RBFOX1: variants seen among roughly 807,000 people sequenced by gnomAD.
The protein encoded by RBFOX1 is RNA binding fox-1 homolog 1.
In RBFOX1, 8 loss-of-function variants were observed where a neutral mutation model predicts 57.7. The ratio of observed to expected loss-of-function variants is 0.14; its 90% confidence interval spans 0.08 to 0.25. The LOEUF (loss-of-function observed/expected upper bound fraction) is 0.25, where lower values mean the gene tolerates loss of function less well. RBFOX1 is among the 10% of genes least tolerant of loss of function. The probability of loss-of-function intolerance (pLI) is 1.00; values close to 1 mark genes in which losing one functional copy is unlikely to be tolerated. For synonymous variants in RBFOX1, 326 were observed against 222.4 expected (o/e 1.47, Z -4.15); for missense variants, 611 against 548.5 (o/e 1.11, Z -1.14).
chr16:6,442,266 A>C (rs1195323111), intron 2 of RBFOX1, among the ~76,000 whole-genome samples: 1 of 152,160 alleles, frequency 6.6e-6, no homozygotes, highest in Non-Finnish European at 1.5e-5. Flanking sequence ...GGTTAGAAAT[A>C]AACACTGTTG....
At chr16:6,980,174 A>G (rs1284464767) in intron 3 of RBFOX1, among the ~76,000 whole-genome samples, 1 of 152,092 alleles carries the variant, frequency 6.6e-6, no homozygotes. Flanking sequence ...CGCAGTTAGG[A>G]TTTCTATTAT....
intron 3 of RBFOX1, among the ~76,000 whole-genome samples, chr16:6,900,769 C>G (rs72770656): frequency 6.6e-6 from 1 of 152,166 alleles, no homozygotes. Flanking sequence ...ACGTGTAAGA[C>G]CCTCTCCTCT....
intron 4 of RBFOX1, among the ~76,000 whole-genome samples, chr16:5,954,111 A>G (rs1380083976): frequency 6.6e-6 from 1 of 152,196 alleles, no homozygotes; most frequent in African/African-American, 2.4e-5. Flanking sequence ...AGAATGACGC[A>G]GTCCAAACGT....
intron 4 of RBFOX1, among the ~76,000 whole-genome samples, chr16:5,943,067 A>G (rs1009811121): frequency 4.6e-5 from 7 of 152,032 alleles, no homozygotes; most frequent in Non-Finnish European, 1.0e-4. Flanking sequence ...CTTTGTTCCT[A>G]TTCCCTCATC....
At chr16:7,248,017 G>A (rs761379577) in intron 4 of RBFOX1, among the ~76,000 whole-genome samples, 19 of 152,096 alleles carry the variant, frequency 1.2e-4, no homozygotes, top group Non-Finnish European at 2.6e-4. Context: ...TAACAAACCT[G>A]CACATGTACC....
chr16:6,905,568 T>C (rs1298080860), intron 3 of RBFOX1, among the ~76,000 whole-genome samples: 2 of 142,794 alleles, frequency 1.4e-5, no homozygotes, highest in Non-Finnish European at 3.1e-5. Flanking sequence ...AAAAAAAAAG[T>C]GTAGATGTTT....
intron 3 of RBFOX1, among the ~76,000 whole-genome samples, chr16:6,742,604 G>T (rs1264452281): frequency 6.6e-6 from 1 of 152,164 alleles, no homozygotes; most frequent in Non-Finnish European, 1.5e-5. Context: ...GTAGGTGAAT[G>T]GTTAAAGAAA....
At chr16:5,758,966 A>C (rs1468010755) in intron 3 of RBFOX1, among the ~76,000 whole-genome samples, 1 of 152,186 alleles carries the variant, frequency 6.6e-6, no homozygotes, top group Non-Finnish European at 1.5e-5. Context: ...GGGCAGTGTG[A>C]TACATTGGGA....
chr16:6,691,807 A>G (rs1013991155), intron 3 of RBFOX1, among the ~76,000 whole-genome samples: 1 of 152,200 alleles, frequency 6.6e-6, no homozygotes, highest in Non-Finnish European at 1.5e-5. Flanking sequence ...GATAGGCTCG[A>G]TGTCATCCCA....
chr16:5,657,688 C>T (rs2049489761), intron 3 of RBFOX1, among the ~76,000 whole-genome samples: 1 of 119,184 alleles, frequency 8.4e-6, no homozygotes, highest in African/African-American at 3.4e-5. Context: ...TTCTTTCTTT[C>T]TTTCTTTCTC....
At chr16:6,652,151 C>T (rs531945029) in intron 2 of RBFOX1, among the ~76,000 whole-genome samples, 1 of 152,114 alleles carries the variant, frequency 6.6e-6, no homozygotes, top group African/African-American at 2.4e-5. Context: ...GGATTGGTGG[C>T]CTTAAAAGAA....
At chr16:5,710,047 C>T (rs946903892) in intron 3 of RBFOX1, among the ~76,000 whole-genome samples, 1 of 150,266 alleles carries the variant, frequency 6.7e-6, no homozygotes, top group African/African-American at 2.5e-5. Flanking sequence ...TTTTTAAGTG[C>T]CCATGTATCT....
chr16:6,630,985 A>T (rs2098378340), intron 2 of RBFOX1, among the ~76,000 whole-genome samples: 1 of 152,182 alleles, frequency 6.6e-6, no homozygotes, highest in Non-Finnish European at 1.5e-5. Context: ...GGAGGGAAGG[A>T]GGCTATACTT....
intron 3 of RBFOX1, among the ~76,000 whole-genome samples, chr16:6,887,745 C>G (rs1457674694): frequency 6.6e-6 from 1 of 151,812 alleles, no homozygotes; most frequent in African/African-American, 2.4e-5. Context: ...TTACTGCAAC[C>G]TCTGCCTCCC....
chr16:5,582,045 C>A (rs532170120), intron 2 of RBFOX1, among the ~76,000 whole-genome samples: 1 of 152,320 alleles, frequency 6.6e-6, no homozygotes, highest in South Asian at 2.1e-4. Context: ...AGATGTTCAG[C>A]ATAGAATCCA....
intron 2 of RBFOX1, among the ~76,000 whole-genome samples, chr16:6,623,830 A>G (rs2098268606): frequency 6.6e-6 from 1 of 152,144 alleles, no homozygotes; most frequent in Non-Finnish European, 1.5e-5. Context: ...ACATTTTCTT[A>G]ATCCAGTCTA....
At chr16:7,596,729 G>A (rs997825452) in intron 8 of RBFOX1, among the ~76,000 whole-genome samples, 46 of 152,010 alleles carry the variant, frequency 3.0e-4, no homozygotes, top group African/African-American at 1.0e-3. Flanking sequence ...AGTTATGACC[G>A]GTGCACATCT....
At chr16:5,821,599 G>A (rs546855183) in intron 3 of RBFOX1, among the ~76,000 whole-genome samples, 209 of 152,184 alleles carry the variant, frequency 1.4e-3, no homozygotes, top group African/African-American at 4.5e-3. Context: ...TACCATGTCT[G>A]GTTCTTTATT....
intron 1 of RBFOX1, among the ~76,000 whole-genome samples, chr16:5,384,086 G>A (rs542579311): frequency 2.4e-4 from 37 of 152,176 alleles, no homozygotes; most frequent in African/African-American, 8.9e-4. Context: ...TATGTGTCCA[G>A]GCCACTCCGT....
Sources: allele counts gnomAD v4.1 joint callset (sites outside exome capture counted in the v4.1 genomes callset), GRCh38; gene constraint gnomAD v4.1.1; transcripts MANE v1.5; gene names NCBI Gene and HGNC (gene_info 2026-07-23, HGNC 2026-07-21).